Variants in NRG3 observed in about 807,000 individuals in gnomAD.
NRG3 encodes neuregulin 3, also known as pro-neuregulin-3, membrane-bound isoform.
In NRG3, 31 loss-of-function variants were observed where a neutral mutation model predicts 66.9. The observed-to-expected ratio is 0.46, with a 90% CI of 0.35 to 0.63. The LOEUF (loss-of-function observed/expected upper bound fraction) is 0.63. Ranked by LOEUF, NRG3 falls within the 20% of genes least tolerant of loss-of-function variation. The pLI is 0.00. For missense variants in NRG3, 910 were observed against 878.9 expected (o/e 1.04, Z -0.45); for synonymous variants, 393 against 359.4 (o/e 1.09, Z -1.06).
intron 1 of NRG3, among the ~76,000 whole-genome samples, chr10:82,226,271 C>G (rs900077824): frequency 1.3e-5 from 2 of 152,138 alleles, no homozygotes; most frequent in Admixed American, 6.6e-5. Context: ...ATTTGTACAT[C>G]AAGGAATTCT....
chr10:82,042,517 T>C (rs1222593633), intron 1 of NRG3, among the ~76,000 whole-genome samples: 1 of 152,062 alleles, frequency 6.6e-6, no homozygotes, highest in African/African-American at 2.4e-5. Context: ...AAGTTGGTGC[T>C]ACTGTATTTT....
At chr10:82,799,209 G>T (rs1177042652) in intron 3 of NRG3, among the ~76,000 whole-genome samples, 1 of 152,122 alleles carries the variant, frequency 6.6e-6, no homozygotes. Flanking sequence ...GAGCTCCGGT[G>T]TCTAGAAAAT....
At chr10:82,203,058 T>A (rs2074929404) in intron 1 of NRG3, among the ~76,000 whole-genome samples, 1 of 152,154 alleles carries the variant, frequency 6.6e-6, no homozygotes, top group East Asian at 1.9e-4. Flanking sequence ...TGGGAATAAT[T>A]TGATTATTTT....
intron 3 of NRG3, among the ~76,000 whole-genome samples, chr10:82,835,352 A>G (rs750024597): frequency 7.2e-5 from 11 of 152,180 alleles, no homozygotes; most frequent in Non-Finnish European, 1.3e-4. Context: ...GATTCACCAT[A>G]TTCACATTTG....
chr10:82,925,819 G>T (rs543937935), intron 4 of NRG3, among the ~76,000 whole-genome samples: 2 of 152,072 alleles, frequency 1.3e-5, no homozygotes, highest in South Asian at 2.1e-4. Context: ...GCTTAAACTG[G>T]AAAGATGACC....
intron 2 of NRG3, among the ~76,000 whole-genome samples, chr10:82,587,593 C>A (rs945254449): frequency 6.6e-6 from 1 of 152,122 alleles, no homozygotes; most frequent in African/African-American, 2.4e-5. Flanking sequence ...AAGAGGTAGG[C>A]CCAACATCAT....
At chr10:82,755,648 G>A (rs1261182110) in intron 3 of NRG3, among the ~76,000 whole-genome samples, 1 of 152,028 alleles carries the variant, frequency 6.6e-6, no homozygotes, top group African/African-American at 2.4e-5. Flanking sequence ...AAGGAAATTT[G>A]GGAAATATTA....
intron 1 of NRG3, among the ~76,000 whole-genome samples, chr10:82,322,125 T>C (rs1387929858): frequency 1.3e-5 from 2 of 152,228 alleles, no homozygotes; most frequent in East Asian, 1.9e-4. Context: ...TCCACTCTTA[T>C]TTTTATGATC....
At chr10:82,712,806 A>T (rs1235149091) in intron 2 of NRG3, among the ~76,000 whole-genome samples, 2 of 152,120 alleles carry the variant, frequency 1.3e-5, no homozygotes, top group African/African-American at 4.8e-5. Flanking sequence ...TGTCTGAGAA[A>T]CTTCAAGAGG....
At chr10:82,302,375 G>A (rs1015109898) in intron 1 of NRG3, among the ~76,000 whole-genome samples, 3 of 151,920 alleles carry the variant, frequency 2.0e-5, no homozygotes, top group Non-Finnish European at 4.4e-5. Flanking sequence ...CGTGTTTGTT[G>A]GCTACCATAT....
chr10:82,626,982 C>G (rs1285103434), intron 2 of NRG3, among the ~76,000 whole-genome samples: 3 of 150,838 alleles, frequency 2.0e-5, no homozygotes, highest in Non-Finnish European at 4.4e-5. Context: ...GACAGGAGAT[C>G]ATATATTTAG....
intron 2 of NRG3, among the ~76,000 whole-genome samples, chr10:82,456,258 G>A (rs769822336): frequency 2.7e-5 from 4 of 150,070 alleles, no homozygotes; most frequent in Non-Finnish European, 5.9e-5. Context: ...ATCCTCCTCT[G>A]GCTCCTGAGT....
chr10:82,531,931 T>C (rs1344768254), intron 2 of NRG3, among the ~76,000 whole-genome samples: 1 of 151,852 alleles, frequency 6.6e-6, no homozygotes, highest in African/African-American at 2.4e-5. Flanking sequence ...ATTACTAATT[T>C]CTCATTTCCT....
At chr10:82,336,858 T>C (rs1375147818) in intron 1 of NRG3, among the ~76,000 whole-genome samples, 3 of 152,222 alleles carry the variant, frequency 2.0e-5, no homozygotes, top group Admixed American at 1.3e-4. Flanking sequence ...TTATAGCTCT[T>C]TGATTTTTGT....
chr10:82,112,499 C>G (rs371972714), intron 1 of NRG3, among the ~76,000 whole-genome samples: 1 of 152,096 alleles, frequency 6.6e-6, no homozygotes, highest in Non-Finnish European at 1.5e-5. Flanking sequence ...TTAAACTCCA[C>G]AGGAGGCAGT....
intron 1 of NRG3, among the ~76,000 whole-genome samples, chr10:82,219,016 A>G (rs1319749793): frequency 6.6e-6 from 1 of 151,984 alleles, no homozygotes; most frequent in Non-Finnish European, 1.5e-5. Flanking sequence ...GAATTCTTTC[A>G]CTAAGTGCTT....
Position 82,171,449 on chromosome 10 carries a change from A to T in NRG3, c.824-187290A>T, listed in dbSNP as rs551739023. On this transcript the variant is annotated intron_variant, in intron 1 of 8. Coordinates refer to ENST00000372141, the MANE Select transcript of NRG3 (RefSeq NM_001010848.4). ...TCTTGGCTTAGTTGCTCTCTGATAG[A>T]TGCTGTATAGAATGATATAGGTCAT... Among the ~76,000 whole-genome samples the T allele has an allele frequency of 2.0e-5, 3 of 152,180 alleles. No homozygotes were observed. In the East Asian group the frequency reaches 5.8e-4, roughly 29 times the overall value.
intron 1 of NRG3, among the ~76,000 whole-genome samples, chr10:82,219,191 CATT>C (rs2075825063): frequency 6.7e-6 from 1 of 150,254 alleles, no homozygotes; most frequent in African/African-American, 2.5e-5. Context: ...TCAACCTTAA[CATT>C]ATTAAATTTT....
At chr10:81,936,596 G>A (rs1230187391) in intron 1 of NRG3, among the ~76,000 whole-genome samples, 2 of 152,116 alleles carry the variant, frequency 1.3e-5, no homozygotes, top group Non-Finnish European at 2.9e-5. Context: ...ATGTGAGAGA[G>A]ACCCTGTGTC....
Sources: gnomAD v4.1 joint callset for allele counts (sites outside exome capture counted in the v4.1 genomes callset) on GRCh38, gnomAD v4.1.1 for gene constraint, MANE v1.5 for transcripts, NCBI Gene and HGNC (gene_info 2026-07-23, HGNC 2026-07-21) for gene names.